ENO4: variants seen among roughly 807,000 people sequenced by gnomAD.
ENO4 encodes the protein 2-phospho-D-glycerate hydro-lyase.
ENO4 carries 53 observed loss-of-function variants against 63.2 expected under a neutral mutation model. That is an observed-to-expected ratio of 0.84 (90% CI 0.67 to 1.05). The LOEUF (loss-of-function observed/expected upper bound fraction) is 1.05, where lower values mean the gene tolerates loss of function less well. ENO4 is among the 50% of genes least tolerant of loss of function. ENO4 has a pLI of 0.00. For synonymous variants in ENO4, 266 were observed against 283.8 expected (o/e 0.94, Z 0.63); for missense variants, 719 against 772.0 (o/e 0.93, Z 0.81).
intron 4 of ENO4, among the ~76,000 whole-genome samples, chr10:116,859,772 G>C (rs1564845768): frequency 6.6e-6 from 1 of 152,136 alleles, no homozygotes; most frequent in Non-Finnish European, 1.5e-5. Context: ...CCCGTATCTA[G>C]CATGATGCCA....
At chr10:116,887,043 T>C (rs1056815745), downstream of ENO4, among the ~76,000 whole-genome samples, 1 of 152,110 alleles carries the variant, frequency 6.6e-6, no homozygotes. Context: ...CCCTCATCAC[T>C]GATGGACAGG....
At chr10:116,868,978 T>C (rs1402561193) in intron 8 of ENO4, among the ~76,000 whole-genome samples, 1 of 152,192 alleles carries the variant, frequency 6.6e-6, no homozygotes, top group East Asian at 1.9e-4. Context: ...AGGGTTACAC[T>C]GGACCCTATA....
At chr10:116,911,755 C>T in exon 11 of ENO4, 1 of 1,585,164 alleles carries the variant, frequency 6.3e-7, no homozygotes, top group Non-Finnish European at 8.7e-7. Context: ...TTCATTTCCC[C>T]ATTAGCTAAA....
In ENO4 at chr10:116,900,629, G is replaced by A. The variant is rs1847697155; in HGVS notation, c.1195-10870G>A. On this transcript the variant is annotated intron_variant, in intron 10 of 10. Transcript: ENST00000369207. ...CTTGTCTCAGCCAAATTGCTTTTGT[G>A]TCTGGATATTGGTTCAAATGTAGCC... 11 of 1,522,536 alleles carry A rather than the reference G, an allele frequency of 7.2e-6. No individual in the cohort carries two copies. In the South Asian group the frequency reaches 1.2e-4, roughly 17 times the overall value. 94.3% of individuals were successfully genotyped at this position (1,522,536 alleles called of 1,614,324 possible).
chr10:116,886,792 G>A (rs1847178499), downstream of ENO4, among the ~76,000 whole-genome samples: 1 of 152,206 alleles, frequency 6.6e-6, no homozygotes, highest in Non-Finnish European at 1.5e-5. Context: ...CAGAGAAAGA[G>A]CGATTAACTA....
At chr10:116,861,434 T>C (rs1255663252) in intron 6 of ENO4, among the ~76,000 whole-genome samples, 1 of 152,116 alleles carries the variant, frequency 6.6e-6, no homozygotes, top group African/African-American at 2.4e-5. Flanking sequence ...AGACAAGCCA[T>C]GGCTGAGAAA....
chr10:116,859,124 A>AT lies in ENO4; in HGVS notation c.620_621insT (p.Lys207AsnfsTer23). Reference sequence around the variant, plus strand: ...CCCCCTCCACCTCCTACCAAAAAAAAGGGGCAAAAGCCAGGTTGGTTGGTG... The same window carrying AT: ...CCCCCTCCACCTCCTACCAAAAAAAATGGGGCAAAAGCCAGGTTGGTTGGTG... On this transcript the variant is annotated frameshift_variant, in exon 4 of 14. Coordinates refer to ENST00000341276, the MANE Select transcript of ENO4 (RefSeq NM_001242699.2). LOFTEE classifies it high-confidence loss of function. The AT allele has an allele frequency of 1.3e-6, 2 of 1,528,616 alleles. No individual in the cohort carries two copies. The highest frequency in any genetic ancestry group is 1.7e-6 in the Non-Finnish European group (2 of 1,143,752). 94.7% of individuals were successfully genotyped at this position (1,528,616 alleles called of 1,614,324 possible). A position where few individuals can be genotyped will look rare whatever the true frequency, so the allele number is the denominator to read the frequency against.
At chr10:116,873,642 A>G (rs1170005030) in intron 9 of ENO4, among the ~76,000 whole-genome samples, 1 of 152,218 alleles carries the variant, frequency 6.6e-6, no homozygotes, top group Admixed American at 6.5e-5. Flanking sequence ...GCGTTAGAGT[A>G]TTTACAGTAA....
At chr10:116,854,420 C>T (rs9421247) in intron 1 of ENO4, among the ~76,000 whole-genome samples, 47,073 of 151,636 alleles carry the variant, frequency 0.31, 7,687 homozygotes, top group East Asian at 0.42. Context: ...ATTAGCCAGC[C>T]GTTTTGGTGC....
chr10:116,876,298 T>C (rs964242801), intron 11 of ENO4, 38 bp downstream of exon 11: 35 of 1,461,266 alleles, frequency 2.4e-5, no homozygotes, highest in African/African-American at 5.8e-5. Context: ...TCGTAATGAC[T>C]TGGTTATACA....
chr10:116,879,816 G>C (rs983977073), intron 12 of ENO4, 53 bp from the exon 13 acceptor site: 9 of 1,342,764 alleles, frequency 6.7e-6, no homozygotes, highest in African/African-American at 5.9e-5. Context: ...ATTGTTTGTC[G>C]TTTAGCAAGA....
At chr10:116,909,136 G>T (rs1218159119) in intron 10 of ENO4, among the ~76,000 whole-genome samples, 3 of 152,174 alleles carry the variant, frequency 2.0e-5, no homozygotes, top group Non-Finnish European at 4.4e-5. Flanking sequence ...CAAATTCAGT[G>T]AGCCTCAGGG....
rs191662349 is a variant in ENO4 at position 116,864,912 on chromosome 10, C to A, written c.990+2060C>A. On this transcript the variant is annotated intron_variant, in intron 7 of 13. Coordinates refer to ENST00000341276, the MANE Select transcript of ENO4 (RefSeq NM_001242699.2). ...GTGCACATTTGTAATCCCAGCTACTCGGGAGGCTGAGGCAGGAGAATCACT... is the reference window on the plus strand; with the variant it reads ...GTGCACATTTGTAATCCCAGCTACTAGGGAGGCTGAGGCAGGAGAATCACT... 1.2e-4 allele frequency among the ~76,000 whole-genome samples: 18 copies of A among 151,950 alleles called. No individual in the cohort carries two copies. In the East Asian group the frequency reaches 3.5e-3, roughly 30 times the overall value.
intron 8 of ENO4, among the ~76,000 whole-genome samples, chr10:116,870,854 A>G (rs778364185): frequency 7.2e-4 from 109 of 152,270 alleles, no homozygotes; most frequent in Admixed American, 1.9e-3. Flanking sequence ...AAGGAATGGC[A>G]GCATCCATAA....
At chr10:116,888,358 G>C (rs1847226973) in intron 10 of ENO4, among the ~76,000 whole-genome samples, 2 of 152,162 alleles carry the variant, frequency 1.3e-5, no homozygotes, top group Admixed American at 1.3e-4. Context: ...GGGAGAAGCA[G>C]AACAACTATG....
intron 11 of ENO4, among the ~76,000 whole-genome samples, chr10:116,876,843 C>G (rs1054266156): frequency 1.3e-5 from 2 of 151,796 alleles, no homozygotes; most frequent in Non-Finnish European, 2.9e-5. Flanking sequence ...CCCAGCTACT[C>G]GGGAGGCTGA....
At chr10:116,880,485 A>G (rs1846974734) in intron 13 of ENO4, among the ~76,000 whole-genome samples, 1 of 152,226 alleles carries the variant, frequency 6.6e-6, no homozygotes, top group Non-Finnish European at 1.5e-5. Context: ...AGCACCTTGT[A>G]TACTGGGTAA....
chr10:116,889,288 G>C (rs758922176), intron 10 of ENO4, among the ~76,000 whole-genome samples: 2 of 152,176 alleles, frequency 1.3e-5, no homozygotes, highest in Non-Finnish European at 2.9e-5. Flanking sequence ...ACCTAGTATT[G>C]TCAGGCTGAA....
downstream of ENO4, chr10:116,911,903 T>C: frequency 1.6e-6 from 2 of 1,218,368 alleles, no homozygotes; most frequent in Non-Finnish European, 2.4e-6. Flanking sequence ...TACTAAACAA[T>C]GATTTTTACA....
Sources: gnomAD v4.1 joint callset for allele counts (sites outside exome capture counted in the v4.1 genomes callset) on GRCh38, gnomAD v4.1.1 for gene constraint, MANE v1.5 for transcripts, NCBI Gene and HGNC (gene_info 2026-07-23, HGNC 2026-07-21) for gene names.